Variants in SNX25 observed in about 807,000 individuals in gnomAD.
SNX25 encodes sorting nexin-25.
A neutral mutation model predicts 113.7 loss-of-function variants in SNX25; 62 were observed. The ratio of observed to expected loss-of-function variants is 0.55; its 90% CI spans 0.44 to 0.67. The LOEUF is 0.67. SNX25 is among the 30% of genes least tolerant of loss of function. The probability of loss-of-function intolerance (pLI) is 0.00; values close to 1 mark genes in which losing one functional copy is unlikely to be tolerated. For missense variants in SNX25, 1,014 were observed against 1,161.0 expected (o/e 0.87, Z 1.84); for synonymous variants, 421 against 436.2 (o/e 0.97, Z 0.43).
chr4:185,266,236 C>T (rs762443004), intron 4 of SNX25, among the ~76,000 whole-genome samples: 3 of 152,160 alleles, frequency 2.0e-5, no homozygotes, highest in Non-Finnish European at 4.4e-5. Context: ...TCTCTGAGGT[C>T]TGTTTTAACC....
At chr4:185,321,841 A>G (rs2126686677) in intron 8 of SNX25, among the ~76,000 whole-genome samples, 1 of 152,318 alleles carries the variant, frequency 6.6e-6, no homozygotes, top group South Asian at 2.1e-4. Context: ...TTATTTCCTA[A>G]AAATACAAAA....
At position 185,353,609 on chromosome 4, in the gene SNX25, T is replaced by G; in HGVS notation, c.2584+7T>G. On this transcript the variant is annotated splice_region_variant and intron_variant, in intron 15 of 18. Transcript: ENST00000652585. ...ATTTTTGAACTTCGAGGAAGTAAGCTTCTTTGTTATTATTTAGTGGTATTT... is the reference window on the plus strand; with the variant it reads ...ATTTTTGAACTTCGAGGAAGTAAGCGTCTTTGTTATTATTTAGTGGTATTT... The G allele has an allele frequency of 6.2e-7, 1 of 1,602,890 alleles. No homozygotes were observed. The highest frequency in any genetic ancestry group is 8.5e-7 in the Non-Finnish European group (1 of 1,169,700).
At chr4:185,271,632 G>A (rs1748949595) in intron 5 of SNX25, among the ~76,000 whole-genome samples, 1 of 152,196 alleles carries the variant, frequency 6.6e-6, no homozygotes, top group Non-Finnish European at 1.5e-5. Context: ...TGACTTTATT[G>A]GTGTTTTACA....
At chr4:185,278,673 C>T (rs1233459204) in intron 5 of SNX25, among the ~76,000 whole-genome samples, 1 of 151,970 alleles carries the variant, frequency 6.6e-6, no homozygotes, top group Non-Finnish European at 1.5e-5. Context: ...AAAGTTCACT[C>T]AAAATGTAGG....
intron 5 of SNX25, among the ~76,000 whole-genome samples, chr4:185,285,045 A>G (rs1751149666): frequency 2.0e-5 from 3 of 152,226 alleles, no homozygotes; most frequent in Non-Finnish European, 1.5e-5. Flanking sequence ...ACATAGGTAC[A>G]TAGATAAAAC....
At chr4:185,230,469 C>T (rs752619058) in intron 1 of SNX25, among the ~76,000 whole-genome samples, 3 of 150,952 alleles carry the variant, frequency 2.0e-5, no homozygotes, top group Non-Finnish European at 4.4e-5. Flanking sequence ...TATCAGCTCA[C>T]GCAACATCCG....
chr4:185,254,205 T>C (rs568250288), intron 2 of SNX25, among the ~76,000 whole-genome samples: 7 of 152,108 alleles, frequency 4.6e-5, no homozygotes, highest in Non-Finnish European at 8.8e-5. Context: ...TTTTTTTTTG[T>C]TGGATAAATA....
Position 185,283,905 on chromosome 4 carries a change from T to C in SNX25, c.1092-4107T>C, listed in dbSNP as rs531017699. 4.6e-5 allele frequency among the ~76,000 whole-genome samples: 7 copies of C among 152,348 alleles called. No homozygotes were observed. In the South Asian group the frequency reaches 1.2e-3, roughly 27 times the overall value. On this transcript the variant is annotated intron_variant, in intron 5 of 18. Coordinates refer to ENST00000652585, the MANE Select transcript of SNX25 (RefSeq NM_001378034.2). ...TTCATTAAAAAAATCTTTAACTCTTTAGTCAGATGGTGTGTATTTTCTTTG... is the reference window on the plus strand; with the variant it reads ...TTCATTAAAAAAATCTTTAACTCTTCAGTCAGATGGTGTGTATTTTCTTTG...
intron 5 of SNX25, among the ~76,000 whole-genome samples, chr4:185,281,193 T>A (rs542093588): frequency 6.6e-6 from 1 of 152,160 alleles, no homozygotes; most frequent in East Asian, 1.9e-4. Flanking sequence ...TGCTCTGTAA[T>A]CAGGAAAAAA....
At chr4:185,371,296 T>C (rs111859021), downstream of SNX25, among the ~76,000 whole-genome samples, 6 of 152,134 alleles carry the variant, frequency 3.9e-5, no homozygotes, top group South Asian at 2.1e-4. Context: ...TCCCAGCACT[T>C]TGGGAGGCCA....
chr4:185,377,850 T>G, the SNX25 span: 1 of 429,878 alleles, frequency 2.3e-6, no homozygotes, highest in South Asian at 4.5e-5. Context: ...AGCATGTCCT[T>G]AAGTCCTGAG....
At chr4:185,319,513 C>T (rs13140652) in intron 7 of SNX25, among the ~76,000 whole-genome samples, 2 of 142,990 alleles carry the variant, frequency 1.4e-5, no homozygotes, top group Non-Finnish European at 3.1e-5. Flanking sequence ...AAAGTCCATT[C>T]TTTTTTTTTT....
chr4:185,208,719 G>A (rs1248425206), upstream of SNX25, among the ~76,000 whole-genome samples: 1 of 150,400 alleles, frequency 6.6e-6, no homozygotes, highest in African/African-American at 2.4e-5. Flanking sequence ...CAGAGACTCC[G>A]TCTCAAAAAA....
At chr4:185,348,820 C>T (rs1353058945) in intron 13 of SNX25, among the ~76,000 whole-genome samples, 2 of 152,160 alleles carry the variant, frequency 1.3e-5, no homozygotes, top group African/African-American at 4.8e-5. Flanking sequence ...GAACTTTTTC[C>T]TCCTGTTAAA....
At chr4:185,236,539 G>GA (rs61284735) in intron 1 of SNX25, among the ~76,000 whole-genome samples, 57,340 of 151,562 alleles carry the variant, frequency 0.38, 13,123 homozygotes, top group East Asian at 0.59. Flanking sequence ...TATTTAAATA[G>GA]AAAAAAAAGA....
intron 3 of SNX25, among the ~76,000 whole-genome samples, chr4:185,263,704 G>A (rs141963554): frequency 6.6e-6 from 1 of 152,224 alleles, no homozygotes; most frequent in African/African-American, 2.4e-5. Context: ...TTAGCTACTA[G>A]TTACTGTAAA....
intron 5 of SNX25, among the ~76,000 whole-genome samples, chr4:185,276,542 A>G (rs1749706216): frequency 6.6e-6 from 1 of 152,240 alleles, no homozygotes; most frequent in Admixed American, 6.5e-5. Flanking sequence ...ATGTGCAAGC[A>G]AGCAGCATGC....
intron 5 of SNX25, among the ~76,000 whole-genome samples, chr4:185,286,417 G>A (rs1751360110): frequency 6.6e-6 from 1 of 152,190 alleles, no homozygotes; most frequent in Non-Finnish European, 1.5e-5. Flanking sequence ...GGCCTGGCCT[G>A]TGGCTTTTAC....
intron 1 of SNX25, among the ~76,000 whole-genome samples, chr4:185,241,082 C>T (rs1420577988): frequency 6.6e-6 from 1 of 151,416 alleles, no homozygotes; most frequent in African/African-American, 2.4e-5. Context: ...GGGTGGCGGC[C>T]GGGCAGAGGC....
Sources: allele counts gnomAD v4.1 joint callset (sites outside exome capture counted in the v4.1 genomes callset), GRCh38; gene constraint gnomAD v4.1.1; transcripts MANE v1.5; gene names NCBI Gene and HGNC (gene_info 2026-07-23, HGNC 2026-07-21).